Variants in ADAMTS6 observed in about 807,000 individuals in gnomAD.
ADAMTS6 encodes A disintegrin and metalloproteinase with thrombospondin motifs 6.
A neutral mutation model predicts 144.3 loss-of-function variants in ADAMTS6; 23 were observed. The ratio of observed to expected loss-of-function variants is 0.16; its 90% CI spans 0.11 to 0.23. ADAMTS6 has a LOEUF of 0.23. Ranked by LOEUF, ADAMTS6 falls within the 10% of genes least tolerant of loss-of-function variation. ADAMTS6 has a pLI of 1.00. For synonymous variants in ADAMTS6, 444 were observed against 457.5 expected (o/e 0.97, Z 0.38); for missense variants, 999 against 1,379.6 (o/e 0.72, Z 4.37).
intron 12 of ADAMTS6, among the ~76,000 whole-genome samples, chr5:65,269,259 C>G (rs1761873490): frequency 1.3e-5 from 2 of 152,150 alleles, no homozygotes; most frequent in Non-Finnish European, 2.9e-5. Flanking sequence ...CTAATTCTAT[C>G]CTTATATTAT....
chr5:65,362,559 A>C (rs1028523839), intron 7 of ADAMTS6, among the ~76,000 whole-genome samples: 1 of 152,224 alleles, frequency 6.6e-6, no homozygotes, highest in Non-Finnish European at 1.5e-5. Flanking sequence ...CTAGAAAAGT[A>C]AACACTGCTC....
At chr5:65,307,403 C>T (rs1744034669) in intron 9 of ADAMTS6, among the ~76,000 whole-genome samples, 1 of 152,184 alleles carries the variant, frequency 6.6e-6, no homozygotes, top group African/African-American at 2.4e-5. Context: ...TGAACTGAAT[C>T]TCAGTGGAGG....
At chr5:65,282,252 G>A (rs1420407344) in intron 11 of ADAMTS6, among the ~76,000 whole-genome samples, 2 of 152,064 alleles carry the variant, frequency 1.3e-5, no homozygotes, top group Non-Finnish European at 2.9e-5. Context: ...ATTTTAAGGG[G>A]TGGGGAGTTC....
intron 3 of ADAMTS6, among the ~76,000 whole-genome samples, chr5:65,468,042 A>G (rs1176180066): frequency 6.6e-6 from 1 of 152,218 alleles, no homozygotes; most frequent in Non-Finnish European, 1.5e-5. Flanking sequence ...AAAAAGTAAA[A>G]GTAAACAGAA....
At chr5:65,300,163 T>A (rs1415184125) in intron 9 of ADAMTS6, 32 bp from the exon 10 acceptor site, 5 of 1,593,554 alleles carry the variant, frequency 3.1e-6, no homozygotes, top group African/African-American at 1.4e-5. Flanking sequence ...ATAGAATAAA[T>A]AAATAAGAAA....
chr5:65,325,636 G>A lies in ADAMTS6; in HGVS notation c.1223+3742C>T, dbSNP rs776822394. ...CAGCCTCTCAAGTAGCTGGGACTAC[G>A]GTGCATGCCACCACACCTTGCTAAT... On this transcript the variant is annotated intron_variant, in intron 9 of 24. Transcript: ENST00000381055. Among the ~76,000 whole-genome samples the A allele has an allele frequency of 5.9e-5, 9 of 151,712 alleles. No individual in the cohort carries two copies. The South Asian group carries it at 6.3e-4, about 11-fold the overall frequency.
At chr5:65,158,531 G>C (rs1752560533) in intron 24 of ADAMTS6, among the ~76,000 whole-genome samples, 1 of 152,200 alleles carries the variant, frequency 6.6e-6, no homozygotes, top group Non-Finnish European at 1.5e-5. Flanking sequence ...AAGGGAACTT[G>C]AAACTGCATG....
At chr5:65,460,022 A>C (rs958412363) in intron 4 of ADAMTS6, 148 bp downstream of exon 4, 1 of 656,514 alleles carries the variant, frequency 1.5e-6, no homozygotes, top group Non-Finnish European at 2.2e-6. Flanking sequence ...AACTACTGGT[A>C]GGTGACATCT....
chr5:65,477,683 T>C (rs533556011), intron 1 of ADAMTS6, among the ~76,000 whole-genome samples: 11 of 152,142 alleles, frequency 7.2e-5, no homozygotes, highest in South Asian at 2.1e-4. Flanking sequence ...AAACCAGTTA[T>C]AGTCTTAGTT....
At chr5:65,414,146 A>C (rs1258629198) in intron 7 of ADAMTS6, among the ~76,000 whole-genome samples, 1 of 152,160 alleles carries the variant, frequency 6.6e-6, no homozygotes, top group Non-Finnish European at 1.5e-5. Context: ...GGCCTTGCTA[A>C]GTTTTCCCCA....
At chr5:65,228,226 A>C (rs1425204769) in intron 15 of ADAMTS6, among the ~76,000 whole-genome samples, 1 of 144,450 alleles carries the variant, frequency 6.9e-6, no homozygotes, top group Non-Finnish European at 1.5e-5. Flanking sequence ...AATTTAATAT[A>C]GCATTTTGTG....
intron 22 of ADAMTS6, 143 bp from the exon 23 acceptor site, chr5:65,173,151 C>T (rs964958195): frequency 5.1e-6 from 4 of 787,538 alleles, no homozygotes; most frequent in African/African-American, 3.5e-5. Flanking sequence ...TCAGATACAA[C>T]GTTCCTTAAA....
At chr5:65,205,430 A>G (rs1024599051) in intron 20 of ADAMTS6, among the ~76,000 whole-genome samples, 1 of 152,196 alleles carries the variant, frequency 6.6e-6, no homozygotes, top group African/African-American at 2.4e-5. Context: ...TTTATCTGGT[A>G]CTTTGAGAAC....
At chr5:65,178,548 GA>G (rs1009423836) in intron 22 of ADAMTS6, among the ~76,000 whole-genome samples, 5 of 152,310 alleles carry the variant, frequency 3.3e-5, no homozygotes, top group Admixed American at 1.3e-4. Flanking sequence ...GTCAGAAAGA[GA>G]AAAAAATGGC....
intron 22 of ADAMTS6, among the ~76,000 whole-genome samples, chr5:65,173,763 G>A (rs900587945): frequency 1.3e-5 from 2 of 152,084 alleles, no homozygotes; most frequent in African/African-American, 2.4e-5. Context: ...GGCAGCTTAC[G>A]CCTGTAATCC....
chr5:65,231,093 A>AT (rs1268732429), intron 15 of ADAMTS6, among the ~76,000 whole-genome samples: 112 of 151,198 alleles, frequency 7.4e-4, no homozygotes, highest in African/African-American at 3.9e-4. Flanking sequence ...AACAAAATGA[A>AT]TTTTTTTTAA....
chr5:65,323,477 A>G (rs1447317327), intron 9 of ADAMTS6, among the ~76,000 whole-genome samples: 1 of 151,968 alleles, frequency 6.6e-6, no homozygotes, highest in Admixed American at 6.6e-5. Context: ...ATAGTATTCC[A>G]TGGTGCATAT....
chr5:65,232,127 A>G (rs958731541), intron 15 of ADAMTS6, among the ~76,000 whole-genome samples: 1 of 152,068 alleles, frequency 6.6e-6, no homozygotes, highest in Non-Finnish European at 1.5e-5. Flanking sequence ...AAACAAACAA[A>G]CAACAACAAC....
intron 9 of ADAMTS6, among the ~76,000 whole-genome samples, chr5:65,319,085 G>A (rs1291648296): frequency 2.0e-5 from 3 of 151,896 alleles, no homozygotes; most frequent in Non-Finnish European, 4.4e-5. Flanking sequence ...TAGACCATGA[G>A]GCATATTTCA....
Sources: allele counts gnomAD v4.1 joint callset (sites outside exome capture counted in the v4.1 genomes callset), GRCh38; gene constraint gnomAD v4.1.1; transcripts MANE v1.5; gene names NCBI Gene and HGNC (gene_info 2026-07-23, HGNC 2026-07-21).